Variants in TAFA2 observed in about 807,000 individuals in gnomAD.
TAFA2 encodes TAFA chemokine like family member 2.
A neutral mutation model predicts 18.8 loss-of-function variants in TAFA2; 7 were observed. The ratio of observed to expected loss-of-function variants is 0.37; its 90% CI spans 0.21 to 0.70. TAFA2 has a LOEUF of 0.70. Ranked by LOEUF, TAFA2 falls within the 30% of genes least tolerant of loss-of-function variation. The pLI, the probability that TAFA2 is intolerant of heterozygous loss-of-function variation, is 0.53. For synonymous variants in TAFA2, 60 were observed against 54.2 expected (o/e 1.11, Z -0.47); for missense variants, 122 against 158.1 (o/e 0.77, Z 1.23).
At chr12:62,015,263 G>T (rs1451422189) in intron 1 of TAFA2, among the ~76,000 whole-genome samples, 3 of 152,096 alleles carry the variant, frequency 2.0e-5, no homozygotes, top group Admixed American at 6.6e-5. Flanking sequence ...TAAGTCCAAG[G>T]ATCATGTCTA....
chr12:62,005,141 T>C (rs1880504583), intron 1 of TAFA2, among the ~76,000 whole-genome samples: 1 of 152,092 alleles, frequency 6.6e-6, no homozygotes, highest in Non-Finnish European at 1.5e-5. Flanking sequence ...AATAATATTG[T>C]ATCATATACT....
chr12:62,034,412 A>T (rs370398413), intron 1 of TAFA2, among the ~76,000 whole-genome samples: 8 of 152,274 alleles, frequency 5.3e-5, no homozygotes, highest in African/African-American at 1.9e-4. Flanking sequence ...AAACAGAATG[A>T]CCTGTAATTT....
At chr12:61,833,329 CCATT>C (rs1364747943) in intron 2 of TAFA2, among the ~76,000 whole-genome samples, 1 of 151,616 alleles carries the variant, frequency 6.6e-6, no homozygotes, top group Non-Finnish European at 1.5e-5. Context: ...CTCTTTGTCC[CCATT>C]CAATCTTCAA....
intron 1 of TAFA2, among the ~76,000 whole-genome samples, chr12:62,190,032 G>A (rs1017611884): frequency 1.3e-5 from 2 of 151,476 alleles, no homozygotes; most frequent in Admixed American, 1.3e-4. Flanking sequence ...AAATCCAAGA[G>A]GGGATTTCAT....
In TAFA2 at chr12:62,211,840, C is replaced by T. The variant is rs568335874; in HGVS notation, c.-130+46923G>A. Among the ~76,000 whole-genome samples the T allele has an allele frequency of 6.1e-4, 93 of 152,282 alleles. 1 individual carries two copies. The highest frequency in any genetic ancestry group is 2.1e-3 in the African/African-American group (89 of 41,552). ...CCATATATGGGATAGGAAGCACTCTCATATATGTACTTGAGTTATTCAAAA... is the reference window on the plus strand; with the variant it reads ...CCATATATGGGATAGGAAGCACTCTTATATATGTACTTGAGTTATTCAAAA... On this transcript the variant is annotated intron_variant, in intron 1 of 5. Coordinates refer to the TAFA2 transcript ENST00000551619.
intron 1 of TAFA2, among the ~76,000 whole-genome samples, chr12:61,914,223 G>A (rs1876727075): frequency 6.6e-6 from 1 of 152,128 alleles, no homozygotes; most frequent in Non-Finnish European, 1.5e-5. Context: ...AGTTCAACCA[G>A]GAAGGCATCA....
intron 1 of TAFA2, among the ~76,000 whole-genome samples, chr12:61,896,576 A>G (rs1875854571): frequency 6.6e-6 from 1 of 152,200 alleles, no homozygotes; most frequent in Non-Finnish European, 1.5e-5. Context: ...AGAGAGTTTT[A>G]GGTTATAAGG....
chr12:62,063,138 C>G (rs1399235526), intron 1 of TAFA2, among the ~76,000 whole-genome samples: 1 of 152,036 alleles, frequency 6.6e-6, no homozygotes, highest in East Asian at 1.9e-4. Flanking sequence ...AGGACATGGA[C>G]ATATTTGGGG....
At chr12:61,868,811 T>G (rs1438133207) in intron 1 of TAFA2, among the ~76,000 whole-genome samples, 2 of 152,148 alleles carry the variant, frequency 1.3e-5, no homozygotes, top group African/African-American at 2.4e-5. Flanking sequence ...AATAAAAACA[T>G]GAACTTCTAA....
At chr12:62,162,542 T>C (rs2062413282) in intron 1 of TAFA2, among the ~76,000 whole-genome samples, 1 of 152,170 alleles carries the variant, frequency 6.6e-6, no homozygotes, top group Admixed American at 6.6e-5. Context: ...AATAAAACTG[T>C]TTTCCTTCTC....
chr12:61,959,493 G>A (rs1421895749), intron 1 of TAFA2, among the ~76,000 whole-genome samples: 3 of 151,968 alleles, frequency 2.0e-5, no homozygotes, highest in Non-Finnish European at 4.4e-5. Flanking sequence ...CTTTTGTTAT[G>A]TAGTCCATAT....
chr12:62,147,612 C>T (rs2062294977), intron 1 of TAFA2, among the ~76,000 whole-genome samples: 1 of 149,654 alleles, frequency 6.7e-6, no homozygotes, highest in African/African-American at 2.5e-5. Flanking sequence ...GGCCTGTAGT[C>T]CCAGCTACTT....
At chr12:61,897,204 C>A (rs1875885007) in intron 1 of TAFA2, among the ~76,000 whole-genome samples, 1 of 152,138 alleles carries the variant, frequency 6.6e-6, no homozygotes, top group Non-Finnish European at 1.5e-5. Flanking sequence ...AGTGGATGTG[C>A]AAATCCTTGA....
chr12:62,250,045 T>C (rs1163835912), intron 1 of TAFA2, among the ~76,000 whole-genome samples: 1 of 152,248 alleles, frequency 6.6e-6, no homozygotes, highest in Non-Finnish European at 1.5e-5. Flanking sequence ...CAGATTCTGA[T>C]GTCTGTAAAA....
chr12:62,248,385 A>C (rs148354010), intron 1 of TAFA2, among the ~76,000 whole-genome samples: 1 of 152,352 alleles, frequency 6.6e-6, no homozygotes, highest in African/African-American at 2.4e-5. Context: ...CATACAACGC[A>C]TGTGTTAAGG....
intron 1 of TAFA2, chr12:62,253,153 C>G (rs945303290): frequency 6.6e-6 from 1 of 152,130 alleles, no homozygotes; most frequent in African/African-American, 2.4e-5. Flanking sequence ...TGATGACTAC[C>G]CTTCTTGTGC....
chr12:61,785,100 C>T (rs73324052), intron 2 of TAFA2, among the ~76,000 whole-genome samples: 2,689 of 151,614 alleles, frequency 0.018, 78 homozygotes, highest in African/African-American at 0.06. Context: ...AAATCTCTCC[C>T]TATTCCCTCC....
At chr12:61,730,621 C>T (rs893016432) in intron 4 of TAFA2, among the ~76,000 whole-genome samples, 1 of 151,882 alleles carries the variant, frequency 6.6e-6, no homozygotes, top group Non-Finnish European at 1.5e-5. Context: ...GGTTCTCAGG[C>T]CAATCGATTC....
intron 1 of TAFA2, among the ~76,000 whole-genome samples, chr12:62,093,337 A>C (rs1868801892): frequency 2.0e-5 from 3 of 152,008 alleles, no homozygotes; most frequent in Admixed American, 2.0e-4. Flanking sequence ...GGGTTTATCA[A>C]GGTAATATTA....
Sources: gnomAD v4.1 joint callset for allele counts (sites outside exome capture counted in the v4.1 genomes callset) on GRCh38, gnomAD v4.1.1 for gene constraint, MANE v1.5 for transcripts, NCBI Gene and HGNC (gene_info 2026-07-23, HGNC 2026-07-21) for gene names.